SLC7A11: variants seen among roughly 807,000 people sequenced by gnomAD.
SLC7A11 encodes the protein cystine/glutamate transporter.
Under a neutral mutation model 54.5 loss-of-function variants are expected in SLC7A11, and 35 were observed. That is an observed-to-expected ratio of 0.64 (90% CI 0.49 to 0.85). SLC7A11 has a LOEUF of 0.85. Ranked by LOEUF, SLC7A11 falls within the 40% of genes least tolerant of loss-of-function variation. The pLI is 0.00. For synonymous variants in SLC7A11, 230 were observed against 225.2 expected (o/e 1.02, Z -0.19); for missense variants, 583 against 618.1 (o/e 0.94, Z 0.60).
Position 138,223,206 on chromosome 4 carries a change from T to C in SLC7A11, c.639A>G (p.Leu213=), listed in dbSNP as rs747702235. 5.0e-6 allele frequency: 8 copies of C among 1,612,618 alleles called. No homozygotes were observed. The South Asian group carries it at 8.8e-5, about 18-fold the overall frequency. Residue 213 remains leucine, a synonymous_variant, in exon 4 of 12, where the codon CTA becomes CTG. Transcript: ENST00000280612. ...TTGCTTTTCAGTCCATACCTTTAAT[T>C]AGCTGCATAACTCCAGGGACTATAA... ...LIIIVPGVMQ[L]IKGQTQNFKD...
rs538423028 is a variant in SLC7A11, at chr4:138,230,576, C to G, written c.520+1691G>C. ...GCTTAAATAGGTTTAAAAATTAGCA[C>G]AAGATCACAAAACTAAGAATTGTAA... On this transcript the variant is annotated intron_variant, in intron 3 of 11. Coordinates refer to ENST00000280612, the MANE Select transcript of SLC7A11 (RefSeq NM_014331.4). 9.7e-4 allele frequency among the ~76,000 whole-genome samples: 148 copies of G among 152,166 alleles called. 1 individual carries two copies. The highest frequency in any genetic ancestry group is 3.4e-3 in the Middle Eastern group (1 of 294).
intron 9 of SLC7A11, among the ~76,000 whole-genome samples, chr4:138,182,031 C>G (rs1047603591): frequency 3.3e-5 from 5 of 151,954 alleles, no homozygotes; most frequent in African/African-American, 1.2e-4. Context: ...AGGAGCCAAG[C>G]CAATCATTTT....
rs1208981889 is a variant in SLC7A11 at position 138,164,807 on chromosome 4, G to A, written c.*7149C>T. 1 of 151,944 alleles carries A rather than the reference G, an allele frequency of 6.6e-6. No individual in the cohort carries two copies. The highest frequency in any genetic ancestry group is 1.5e-5 in the Non-Finnish European group (1 of 67,956). The allele number at this position is 151,944 out of a possible 1,614,324, so 9.4% of individuals were successfully genotyped here. On this transcript the variant is annotated 3_prime_UTR_variant, in exon 12 of 12. Transcript: ENST00000280612. ...TCTGTTCTTGTGTTTTCAATCACTA[G>A]ACCAAACCCACGATGCCCCTGAAAT...
At chr4:138,176,095 C>G (rs1005204975) in intron 11 of SLC7A11, 3 of 152,006 alleles carry the variant, frequency 2.0e-5, no homozygotes, top group African/African-American at 7.2e-5. Context: ...GTTGTTTGTG[C>G]GTCTGTGTGT....
At chr4:138,192,174 T>C (rs1009583707) in intron 6 of SLC7A11, among the ~76,000 whole-genome samples, 9 of 152,188 alleles carry the variant, frequency 5.9e-5, no homozygotes, top group African/African-American at 1.9e-4. Flanking sequence ...CTGTTTTCTC[T>C]TTCCAAAGTA....
intron 6 of SLC7A11, among the ~76,000 whole-genome samples, chr4:138,192,525 G>C (rs1737035579): frequency 6.6e-6 from 1 of 152,038 alleles, no homozygotes; most frequent in Non-Finnish European, 1.5e-5. Flanking sequence ...TGGGTTGTCT[G>C]TTGTAACAGC....
rs1210449455 is a variant in SLC7A11 at position 138,168,622 on chromosome 4, A to G, written c.*3334T>C. ...ATTTTACCAGACACATAAGACGAAC[A>G]GGAAATCTGTTTCAACGTGAATATC... is the stretch of plus-strand genomic sequence containing the variant. On this transcript the variant is annotated 3_prime_UTR_variant, in exon 12 of 12. Transcript: ENST00000280612. 6.6e-6 allele frequency: 1 copy of G among 152,220 alleles called. No homozygotes were observed. The highest frequency in any genetic ancestry group is 1.5e-5 in the Non-Finnish European group (1 of 68,030). 9.4% of individuals were successfully genotyped at this position (152,220 alleles called of 1,614,324 possible). A position where few individuals can be genotyped will look rare whatever the true frequency, so the allele number is the denominator to read the frequency against.
At chr4:138,225,169 TATAA>T (rs1202452673) in intron 3 of SLC7A11, among the ~76,000 whole-genome samples, 55 of 133,308 alleles carry the variant, frequency 4.1e-4, no homozygotes, top group Non-Finnish European at 4.8e-4. Context: ...TATATATATA[TATAA>T]ATAAAATCAT....
At chr4:138,236,180 T>G (rs1738201480) in intron 2 of SLC7A11, 145 bp downstream of exon 2, 1 of 616,852 alleles carries the variant, frequency 1.6e-6, no homozygotes, top group Admixed American at 3.7e-5. Flanking sequence ...GAAAGGTACT[T>G]TATCACAGGC....
chr4:138,183,963 A>C (rs1198736299), intron 7 of SLC7A11, among the ~76,000 whole-genome samples: 1 of 152,160 alleles, frequency 6.6e-6, no homozygotes, highest in East Asian at 1.9e-4. Flanking sequence ...ACAGAAACTT[A>C]AAAGATAAAC....
intron 11 of SLC7A11, chr4:138,177,665 C>G (rs1173088596): frequency 6.6e-6 from 1 of 152,126 alleles, no homozygotes; most frequent in Non-Finnish European, 1.5e-5. Context: ...CCTCACACAT[C>G]AACCTTGTTG....
At chr4:138,223,042 A>G (rs1276698863) in intron 4 of SLC7A11, among the ~76,000 whole-genome samples, 157 bp downstream of exon 4, 1 of 152,132 alleles carries the variant, frequency 6.6e-6, no homozygotes, top group Non-Finnish European at 1.5e-5. Context: ...CTCACTCACA[A>G]TGTAGCAGCC....
intron 6 of SLC7A11, among the ~76,000 whole-genome samples, chr4:138,186,454 C>G (rs953619790): frequency 1.3e-5 from 2 of 152,182 alleles, no homozygotes; most frequent in African/African-American, 2.4e-5. Flanking sequence ...TGAAAACATG[C>G]TAGCCTAGCC....
At chr4:138,195,849 T>C (rs1408082325) in intron 6 of SLC7A11, among the ~76,000 whole-genome samples, 1 of 152,198 alleles carries the variant, frequency 6.6e-6, no homozygotes, top group Non-Finnish European at 1.5e-5. Context: ...TGAGAAGGGT[T>C]GTCAGGACGG....
At chr4:138,219,234 G>A (rs10025342) in intron 5 of SLC7A11, 32 bp downstream of exon 5, 1,265,070 of 1,270,502 alleles carry the variant, frequency 1, 629,991 homozygotes, top group East Asian at 1. Context: ...AATGAACTAC[G>A]CAAACCACCA....
At chr4:138,204,209 C>A (rs1737354228) in intron 6 of SLC7A11, among the ~76,000 whole-genome samples, 1 of 152,068 alleles carries the variant, frequency 6.6e-6, no homozygotes. Context: ...TAGAACCAGG[C>A]AAACATGGAT....
rs553035344 is a variant in SLC7A11, at chr4:138,168,859, T to A, written c.*3097A>T. 5 of 152,318 alleles carry A rather than the reference T, an allele frequency of 3.3e-5. No homozygotes were observed. The highest frequency in any genetic ancestry group is 2.0e-4 in the Admixed American group (3 of 15,294). 9.4% of individuals were successfully genotyped at this position (152,318 alleles called of 1,614,324 possible). ...ACCATTTATAAGGTTCAGTTTTCAT[T>A]GGATCAAAGGAATATAATCTAATAC... On this transcript the variant is annotated 3_prime_UTR_variant, in exon 12 of 12. Coordinates refer to ENST00000280612, the MANE Select transcript of SLC7A11 (RefSeq NM_014331.4).
At chr4:138,183,647 G>A (rs1228811261) in intron 7 of SLC7A11, among the ~76,000 whole-genome samples, 1 of 152,102 alleles carries the variant, frequency 6.6e-6, no homozygotes. Context: ...TTCTACTGGA[G>A]ATAGAAATCT....
At chr4:138,222,736 T>C (rs1737845803) in intron 4 of SLC7A11, among the ~76,000 whole-genome samples, 1 of 152,218 alleles carries the variant, frequency 6.6e-6, no homozygotes, top group South Asian at 2.1e-4. Context: ...GACTCCTCTG[T>C]TGAGGATACC....
Sources: allele counts gnomAD v4.1 joint callset (sites outside exome capture counted in the v4.1 genomes callset), GRCh38; gene constraint gnomAD v4.1.1; transcripts MANE v1.5; gene names NCBI Gene and HGNC (gene_info 2026-07-23, HGNC 2026-07-21).